SELP: variants seen among roughly 807,000 people sequenced by gnomAD.
SELP encodes P-selectin.
In SELP, 92 loss-of-function variants were observed where a neutral mutation model predicts 104.1. The ratio of observed to expected loss-of-function variants is 0.88; its 90% CI spans 0.75 to 1.05. The LOEUF (loss-of-function observed/expected upper bound fraction) is 1.05, where lower values mean the gene tolerates loss of function less well. SELP is among the 50% of genes least tolerant of loss of function. The pLI is 0.00. For synonymous variants in SELP, 397 were observed against 364.5 expected (o/e 1.09, Z -1.01); for missense variants, 1,022 against 1,017.3 (o/e 1.00, Z -0.06).
At chr1:169,620,614 C>T (rs1663047972) in intron 1 of SELP, among the ~76,000 whole-genome samples, 1 of 152,180 alleles carries the variant, frequency 6.6e-6, no homozygotes, top group African/African-American at 2.4e-5. Flanking sequence ...GTAAAGAAAT[C>T]TCAAATTGCC....
rs766244741 is a variant in SELP, at chr1:169,607,043, G to A, written c.1425C>T (p.Ser475=). 1.2e-6 allele frequency: 2 copies of A among 1,613,742 alleles called. No homozygotes were observed. The highest frequency in any genetic ancestry group is 4.5e-5 in the East Asian group (2 of 44,876). ...FGAFRYQSVC[S]FTCNEGLLLV... is the part of the protein sequence containing the mutation. ...GGAGCAAGCCTTCATTGCAGGTGAA[G>A]CTGCAGACTGACTGGTACCTAAAGG... The change falls in exon 9 of 17, where the codon AGC becomes AGT. Residue 475 remains serine (S), a synonymous_variant. Coordinates refer to ENST00000263686, the MANE Select transcript of SELP (RefSeq NM_003005.4).
intron 1 of SELP, among the ~76,000 whole-genome samples, chr1:169,621,356 A>G (rs1663123812): frequency 7.4e-6 from 1 of 135,204 alleles, no homozygotes. Flanking sequence ...TGCATGGGAC[A>G]GTGTGGGATT....
chr1:169,612,957 G>GATTCCAGAAGCCAAGC lies in SELP; in HGVS notation c.731_746dup (p.Ile249MetfsTer10). The stretch of plus-strand genomic sequence containing the variant: ...AACACTGTGGAGGCTTATTTGTCCA[G>GATTCCAGAAGCCAAGC]ATTCCAGAAGCCAAGCATTCCAGCT... On this transcript the variant is annotated frameshift_variant, in exon 5 of 17. Coordinates refer to ENST00000263686, the MANE Select transcript of SELP (RefSeq NM_003005.4). LOFTEE classifies it high-confidence loss of function. 6.2e-7 allele frequency: 1 copy of GATTCCAGAAGCCAAGC among 1,612,818 alleles called. No homozygotes were observed. The highest frequency in any genetic ancestry group is 8.5e-7 in the Non-Finnish European group (1 of 1,179,102).
rs758588529 is a variant in SELP at position 169,590,136 on chromosome 1, AG to A, written c.*1+10del. ...CTATTTCCTTCAAAAATATCTTTAT[AG>A]GGATCTTACCTTAAGGACTCGGGTC... On this transcript the variant is annotated intron_variant, in intron 16 of 16. Transcript: ENST00000263686. The A allele has an allele frequency of 6.3e-7, 1 of 1,587,554 alleles. No homozygotes were observed. Among genetic ancestry groups the A allele is most frequent in the Non-Finnish European group, 8.7e-7 (1 of 1,156,026 alleles).
chr1:169,589,537 A>G (rs1661242468), intron 16 of SELP, 76 bp from the exon 17 acceptor site: 1 of 152,306 alleles, frequency 6.6e-6, no homozygotes, highest in African/African-American at 2.4e-5. Context: ...ATGGAGGCTG[A>G]ATGAGGAGAC....
Position 169,593,665 on chromosome 1 carries a change from T to C in SELP, c.2347A>G (p.Ile783Val), listed in dbSNP as rs1283037802. 1.9e-6 allele frequency: 3 copies of C among 1,613,454 alleles called. No homozygotes were observed. The highest frequency in any genetic ancestry group is 1.1e-5 in the South Asian group (1 of 91,070). ...TYFGGAVAST[I>V]GLIMGGTLLA... ...AGCGTCCCACCCATTATCAGACCTA[T>C]CGTAGAAGCCACCGCTCCACCAAAG... Residue 783 changes from isoleucine to valine, a missense_variant, in exon 14 of 17, where the codon ATA (isoleucine) becomes GTA (valine). Ile to Val is a conservative substitution (Grantham distance 29). Transcript: ENST00000263686.
chr1:169,628,272 C>A (rs138134170), intron 1 of SELP, among the ~76,000 whole-genome samples: 139 of 152,338 alleles, frequency 9.1e-4, no homozygotes, highest in African/African-American at 3.1e-3. Context: ...CCTCTGAGAT[C>A]TATCTGATTG....
chr1:169,597,260 C>T (rs777957371), intron 10 of SELP, 84 bp from the exon 11 acceptor site: 5 of 1,226,470 alleles, frequency 4.1e-6, no homozygotes, highest in Non-Finnish European at 5.6e-6. Flanking sequence ...CTTATATATT[C>T]AAAAAATATT....
chr1:169,595,529 C>T (rs1170847208), intron 12 of SELP, among the ~76,000 whole-genome samples: 4 of 152,124 alleles, frequency 2.6e-5, no homozygotes, highest in African/African-American at 9.7e-5. Context: ...CAGGAAATAT[C>T]ATGTATGGCT....
intron 5 of SELP, 25 bp downstream of exon 5, chr1:169,612,904 G>A (rs1371896997): frequency 1.3e-6 from 2 of 1,533,146 alleles, no homozygotes; most frequent in South Asian, 2.5e-5. Flanking sequence ...TGTCAGTGAG[G>A]ATGAAAAGAA....
chr1:169,593,495 A>G, intron 14 of SELP, 110 bp downstream of exon 14: 1 of 824,078 alleles, frequency 1.2e-6, no homozygotes, highest in Non-Finnish European at 1.9e-6. Flanking sequence ...AATGTTTTCC[A>G]ACATGAACTA....
chr1:169,608,864 T>C (rs1208287974), intron 8 of SELP, among the ~76,000 whole-genome samples: 1 of 151,952 alleles, frequency 6.6e-6, no homozygotes, highest in Non-Finnish European at 1.5e-5. Context: ...AAAATAATAA[T>C]CCTTGTGAAC....
chr1:169,591,002 G>A (rs1335317209), intron 15 of SELP, among the ~76,000 whole-genome samples: 1 of 152,114 alleles, frequency 6.6e-6, no homozygotes, highest in African/African-American at 2.4e-5. Flanking sequence ...ATTATCACAG[G>A]TTTTCAGACT....
In SELP at chr1:169,593,716, A is replaced by G. The variant is rs150172961; in HGVS notation, c.2296T>C (p.Leu766=). ...TAAGTCAGGGCTTCCTGGATAGTCA[A>G]TGGTCCTGCTACAAAACAAACACAC... The part of the protein sequence containing the change: ...TTVPTCQAGP[L]TIQEALTYFG... Residue 766 remains leucine (L), a synonymous_variant, in exon 14 of 17, where the codon TTG becomes CTG. Coordinates refer to ENST00000263686, the MANE Select transcript of SELP (RefSeq NM_003005.4). 98 of 1,613,332 alleles carry G rather than the reference A, an allele frequency of 6.1e-5. No individual in the cohort carries two copies. The African/African-American group carries it at 1.2e-3, about 19-fold the overall frequency.
chr1:169,624,389 C>T (rs1663274331), intron 1 of SELP, among the ~76,000 whole-genome samples: 1 of 152,176 alleles, frequency 6.6e-6, no homozygotes, highest in South Asian at 2.1e-4. Context: ...GAGACTGGGT[C>T]ATTAGAATAA....
chr1:169,611,525 CAGA>C lies in SELP; in HGVS notation c.1111_1113del (p.Ser371del). ...GTTGGCAAGGGTGCAGACCAGTGTC[CAGA>C]GTCAATGCAGCGGAGCATGTCCAAG... On this transcript the variant is annotated inframe_deletion, in exon 7 of 17. Coordinates refer to ENST00000263686, the MANE Select transcript of SELP (RefSeq NM_003005.4). The C allele has an allele frequency of 1.2e-6, 2 of 1,614,044 alleles. No homozygotes were observed. Among genetic ancestry groups the C allele is most frequent in the Non-Finnish European group, 1.7e-6 (2 of 1,179,984 alleles).
chr1:169,591,416 T>C lies in SELP; in HGVS notation c.2438+10A>G, dbSNP rs1661348426. The C allele has an allele frequency of 6.4e-7, 1 of 1,574,622 alleles. No homozygotes were observed. Among genetic ancestry groups the C allele is most frequent in the African/African-American group, 1.4e-5 (1 of 72,920 alleles). On this transcript the variant is annotated intron_variant, in intron 15 of 16. Coordinates refer to ENST00000263686, the MANE Select transcript of SELP (RefSeq NM_003005.4). ...AAAATTTACTCAATCATAAAACATT[T>C]CTACCTTACCTGTGAGGATTCAAGG...
chr1:169,613,655 A>G lies in SELP; in HGVS notation c.520T>C (p.Cys174Arg), dbSNP rs750044246. 1 of 1,613,414 alleles carries G rather than the reference A, an allele frequency of 6.2e-7. No homozygotes were observed. The change falls in exon 4 of 17, where the codon TGC becomes CGC. Residue 174 changes from cysteine to arginine, a missense_variant. Physicochemically the swap from Cys to Arg is radical, Grantham distance 180 (BLOSUM62 -3). Coordinates refer to ENST00000263686, the MANE Select transcript of SELP (RefSeq NM_003005.4). ...GTGTAGTTCCCGATGGTCTCGAGGC[A>G]CTCTCCTTGTTTGCTGCAGGACATG... ...QDMSCSKQGE[C>R]LETIGNYTCS...
At chr1:169,625,999 C>T (rs1421262087) in intron 1 of SELP, among the ~76,000 whole-genome samples, 8 of 152,074 alleles carry the variant, frequency 5.3e-5, no homozygotes, top group Non-Finnish European at 5.9e-5. Flanking sequence ...TGGTCAGGAA[C>T]GTCAGGGAAG....
Sources: allele counts gnomAD v4.1 joint callset (sites outside exome capture counted in the v4.1 genomes callset), GRCh38; gene constraint gnomAD v4.1.1; transcripts MANE v1.5; gene names NCBI Gene and HGNC (gene_info 2026-07-23, HGNC 2026-07-21).